Variants in SYNPR observed in about 807,000 individuals in gnomAD.
The protein encoded by SYNPR is synaptoporin.
SYNPR carries 23 observed loss-of-function variants against 32.9 expected under a neutral mutation model. That is an observed-to-expected ratio of 0.70 (90% CI 0.50 to 0.99). The LOEUF (loss-of-function observed/expected upper bound fraction) is 0.99, where lower values mean the gene tolerates loss of function less well. SYNPR is among the 50% of genes least tolerant of loss of function. The pLI is 0.00. For synonymous variants in SYNPR, 146 were observed against 135.9 expected (o/e 1.07, Z -0.52); for missense variants, 318 against 349.3 (o/e 0.91, Z 0.71).
chr3:63,310,488 T>C (rs1248827426), intron 2 of SYNPR, among the ~76,000 whole-genome samples: 1 of 152,038 alleles, frequency 6.6e-6, no homozygotes, highest in Non-Finnish European at 1.5e-5. Context: ...ACCTCATCAT[T>C]TTTTTCTCAG....
rs1479573376 is a variant in SYNPR, at chr3:63,404,765, GT to G, written c.85-76066del. On this transcript the variant is annotated intron_variant, in intron 2 of 5. Transcript: ENST00000478300. ...TATTTATCCTATTATTATTTTGAAAGTACTCTCCTTTTAATACAAACAATTG... is the reference window on the plus strand; with the variant it reads ...TATTTATCCTATTATTATTTTGAAAGACTCTCCTTTTAATACAAACAATTG... Among the ~76,000 whole-genome samples the G allele has an allele frequency of 3.9e-5, 6 of 152,070 alleles. No homozygotes were observed. The South Asian group carries it at 1.0e-3, about 26-fold the overall frequency.
At chr3:63,392,323 T>C (rs2088149717) in intron 2 of SYNPR, among the ~76,000 whole-genome samples, 1 of 152,214 alleles carries the variant, frequency 6.6e-6, no homozygotes, top group Non-Finnish European at 1.5e-5. Flanking sequence ...GTTACGCCAT[T>C]GTACACAAAC....
intron 1 of SYNPR, among the ~76,000 whole-genome samples, chr3:63,232,219 T>TTTTTTTA (rs869164802): frequency 7.0e-5 from 8 of 113,960 alleles, no homozygotes; most frequent in Non-Finnish European, 1.1e-4. Flanking sequence ...TTTTTTTTTT[T>TTTTTTTA]GAGACAGAGT....
intron 4 of SYNPR, among the ~76,000 whole-genome samples, chr3:63,585,029 A>G (rs1703158678): frequency 6.6e-6 from 1 of 152,116 alleles, no homozygotes; most frequent in African/African-American, 2.4e-5. Context: ...TCTAGGACAC[A>G]TCTTGCTTCT....
chr3:63,589,656 C>T (rs1461157130), intron 4 of SYNPR, among the ~76,000 whole-genome samples: 2 of 151,052 alleles, frequency 1.3e-5, no homozygotes, highest in Admixed American at 6.6e-5. Context: ...TCAATATACA[C>T]AAATCAATAA....
chr3:63,218,450 C>T, the SYNPR span, among the ~76,000 whole-genome samples: 2 of 152,184 alleles, frequency 1.3e-5, no homozygotes, highest in Non-Finnish European at 2.9e-5. Flanking sequence ...TCTTTGTGTC[C>T]TCCAAACATT....
chr3:63,531,277 A>G (rs73831882), intron 3 of SYNPR, among the ~76,000 whole-genome samples: 18,265 of 152,170 alleles, frequency 0.12, 1,258 homozygotes, highest in Middle Eastern at 0.22. Flanking sequence ...ATCATTCTGA[A>G]AGATACAAGT....
chr3:63,577,511 A>C (rs1703005474), intron 4 of SYNPR, among the ~76,000 whole-genome samples: 1 of 152,112 alleles, frequency 6.6e-6, no homozygotes, highest in Non-Finnish European at 1.5e-5. Context: ...AAATGTGAGA[A>C]AAAAATGTGG....
chr3:63,430,388 AC>A (rs1183854438), intron 2 of SYNPR, among the ~76,000 whole-genome samples: 6 of 149,838 alleles, frequency 4.0e-5, no homozygotes, highest in Non-Finnish European at 3.0e-5. Context: ...ACACACACAC[AC>A]ACACACAACC....
chr3:63,591,630 A>G (rs1211142097), intron 4 of SYNPR, among the ~76,000 whole-genome samples: 19 of 139,006 alleles, frequency 1.4e-4, no homozygotes, highest in Non-Finnish European at 2.2e-4. Flanking sequence ...GCAGCCCTAA[A>G]AAATGATGAG....
intron 2 of SYNPR, among the ~76,000 whole-genome samples, chr3:63,437,079 G>T (rs1471105352): frequency 1.3e-5 from 2 of 152,120 alleles, no homozygotes; most frequent in Admixed American, 1.3e-4. Flanking sequence ...GTTTCATCAT[G>T]TTAGCCAGGC....
chr3:63,260,520 G>A (rs1376897756), intron 2 of SYNPR, among the ~76,000 whole-genome samples: 1 of 152,206 alleles, frequency 6.6e-6, no homozygotes, highest in Non-Finnish European at 1.5e-5. Flanking sequence ...TAGCCATTAT[G>A]TAGAAAGCTG....
intron 3 of SYNPR, among the ~76,000 whole-genome samples, chr3:63,542,317 C>T (rs1027217681): frequency 4.6e-5 from 7 of 152,086 alleles, no homozygotes; most frequent in African/African-American, 1.7e-4. Flanking sequence ...AGAAACTGTT[C>T]AGAAAATAAA....
intron 2 of SYNPR, among the ~76,000 whole-genome samples, chr3:63,313,341 G>C (rs1007517146): frequency 1.3e-5 from 2 of 151,594 alleles, no homozygotes; most frequent in Non-Finnish European, 2.9e-5. Context: ...CTGCACTGTT[G>C]TAGTCTTTTA....
Position 63,615,825 on chromosome 3 carries a change from G to A in SYNPR, c.*344G>A, listed in dbSNP as rs533626977. 23 of 175,744 alleles carry A rather than the reference G, an allele frequency of 1.3e-4. No homozygotes were observed. The highest frequency in any genetic ancestry group is 3.1e-4 in the East Asian group (2 of 6,452). 10.9% of individuals were successfully genotyped at this position (175,744 alleles called of 1,614,324 possible). On this transcript the variant is annotated 3_prime_UTR_variant, in exon 6 of 6. Coordinates refer to ENST00000478300, the MANE Select transcript of SYNPR (RefSeq NM_001130003.2). ...ATATGCATAAAGTAAATCAAATAGC[G>A]TTGAGTTTTCTTATGCATTTTGATG...
At chr3:63,609,356 G>C in intron 5 of SYNPR, 40 bp downstream of exon 5, 1 of 1,429,880 alleles carries the variant, frequency 7.0e-7, no homozygotes, top group Non-Finnish European at 9.2e-7. Flanking sequence ...TCATATCTTT[G>C]TTTGCCAGTC....
upstream of SYNPR, among the ~76,000 whole-genome samples, chr3:63,273,499 T>G (rs1384011727): frequency 2.6e-5 from 4 of 152,204 alleles, no homozygotes; most frequent in Non-Finnish European, 5.9e-5. Context: ...TTATTATAAT[T>G]ACTGTTGCTA....
chr3:63,384,650 A>G (rs1236671521), intron 2 of SYNPR, among the ~76,000 whole-genome samples: 3 of 152,216 alleles, frequency 2.0e-5, no homozygotes, highest in African/African-American at 4.8e-5. Flanking sequence ...AACATTTGGC[A>G]GAGTTCTTAT....
rs78302469 is a variant in SYNPR, at chr3:63,492,167, A to G, written c.209+11211A>G. On this transcript the variant is annotated intron_variant, in intron 3 of 5. Coordinates refer to ENST00000478300, the MANE Select transcript of SYNPR (RefSeq NM_001130003.2). ...CTCTAACCCTCCAGTCTCCCACCAG[A>G]GCTTCCTAATGGCTGAATGTAACTG... Among the ~76,000 whole-genome samples the G allele has an allele frequency of 4.3e-4, 65 of 152,268 alleles. No individual in the cohort carries two copies. The East Asian group carries it at 7.4e-3, about 17-fold the overall frequency.
Sources: allele counts gnomAD v4.1 joint callset (sites outside exome capture counted in the v4.1 genomes callset), GRCh38; gene constraint gnomAD v4.1.1; transcripts MANE v1.5; gene names NCBI Gene and HGNC (gene_info 2026-07-23, HGNC 2026-07-21).